Variants in STAB2 observed in about 807,000 individuals in gnomAD.
STAB2 encodes stabilin 2, also known as stabilin-2.
In STAB2, 288 loss-of-function variants were observed where a neutral mutation model predicts 338.1. The ratio of observed to expected loss-of-function variants is 0.85; its 90% confidence interval spans 0.77 to 0.94. STAB2 has a LOEUF of 0.94. STAB2 is among the 40% of genes least tolerant of loss of function. The pLI is 0.00. For missense variants in STAB2, 3,141 were observed against 3,210.1 expected (o/e 0.98, Z 0.52); for synonymous variants, 1,202 against 1,193.3 (o/e 1.01, Z -0.15).
chr12:103,626,777 A>G (rs1041477002), intron 5 of STAB2, among the ~76,000 whole-genome samples: 7 of 152,140 alleles, frequency 4.6e-5, no homozygotes, highest in Admixed American at 3.9e-4. Flanking sequence ...GGTGCAGTTT[A>G]TTTTTAACAC....
chr12:103,674,227 AGT>A, intron 23 of STAB2, 140 bp downstream of exon 23: 1 of 1,019,714 alleles, frequency 9.8e-7, no homozygotes, highest in Non-Finnish European at 1.4e-6. Flanking sequence ...TCCAGCTGAC[AGT>A]GTGGTGTTTG....
intron 9 of STAB2, among the ~76,000 whole-genome samples, chr12:103,641,668 C>T (rs980680109): frequency 9.2e-5 from 14 of 152,202 alleles, no homozygotes; most frequent in Middle Eastern, 3.4e-3. Context: ...ATACCTTAAG[C>T]GAACTCTTTC....
rs1224638879 is a variant in STAB2 at position 103,750,626 on chromosome 12, G to A, written c.6486G>A (p.Leu2162=). The A allele has an allele frequency of 6.2e-7, 1 of 1,614,226 alleles. No individual in the cohort carries two copies. Among genetic ancestry groups the A allele is most frequent in the Admixed American group, 1.7e-5 (1 of 60,032 alleles). Residue 2162 remains leucine (L), a synonymous_variant, in exon 60 of 69, where the codon CTG becomes CTA. Transcript: ENST00000388887. ...AAAGTCACTATGTCGGAGATGGGCT[G>A]AACTGTGAGCCGGAGCAGCTGCCCA... The part of the protein sequence containing the change: ...ECKSHYVGDG[L]NCEPEQLPID...
chr12:103,706,887 T>A lies in STAB2; in HGVS notation c.4092T>A (p.Asp1364Glu). 6.2e-7 allele frequency: 1 copy of A among 1,614,184 alleles called. No individual in the cohort carries two copies. Among genetic ancestry groups the A allele is most frequent in the Non-Finnish European group, 8.5e-7 (1 of 1,180,014 alleles). The change falls in exon 38 of 69, where the codon GAT (aspartate) becomes GAA (glutamate). Residue 1364 changes from aspartate (D) to glutamate (E), a missense_variant. Transcript: ENST00000388887. ...NVCFGNGICL[D>E]GVNGTGVCEC... ...GCTTTGGTAATGGCATCTGTTTGGA[T>A]GGAGTGAATGGCACAGGTGTGTGTG...
At chr12:103,637,646 A>T (rs1355328119) in intron 7 of STAB2, among the ~76,000 whole-genome samples, 1 of 152,198 alleles carries the variant, frequency 6.6e-6, no homozygotes, top group Non-Finnish European at 1.5e-5. Context: ...TTTTCTGTCT[A>T]TGAAATGGGG....
chr12:103,724,903 T>C, intron 44 of STAB2, 72 bp from the exon 45 acceptor site: 3 of 1,579,284 alleles, frequency 1.9e-6, no homozygotes, highest in Non-Finnish European at 8.7e-7. Context: ...CAGAATTGCT[T>C]TGTAAATATC....
chr12:103,702,892 C>G (rs1879025986), intron 34 of STAB2, among the ~76,000 whole-genome samples: 1 of 152,206 alleles, frequency 6.6e-6, no homozygotes, highest in Non-Finnish European at 1.5e-5. Flanking sequence ...CAACTTCTTC[C>G]TTTTACAAAA....
chr12:103,619,006 G>A (rs1334660727), intron 3 of STAB2, among the ~76,000 whole-genome samples: 3 of 152,310 alleles, frequency 2.0e-5, no homozygotes, highest in East Asian at 3.9e-4. Context: ...CTTGCCTGCT[G>A]CCGTGTAAGA....
At chr12:103,742,623 C>T in intron 56 of STAB2, 69 bp downstream of exon 56, 1 of 1,599,958 alleles carries the variant, frequency 6.3e-7, no homozygotes, top group Non-Finnish European at 8.5e-7. Context: ...TTGTTCATGC[C>T]ATCTGCCTGA....
chr12:103,746,223 T>C (rs1458182633), intron 57 of STAB2: 1 of 189,840 alleles, frequency 5.3e-6, no homozygotes, highest in Admixed American at 5.6e-5. Context: ...CAGAAGGCCA[T>C]GGAATTTCTC....
intron 39 of STAB2, among the ~76,000 whole-genome samples, chr12:103,709,944 G>T (rs940934751): frequency 6.6e-6 from 1 of 152,062 alleles, no homozygotes; most frequent in Non-Finnish European, 1.5e-5. Context: ...CCCAATCTAG[G>T]AACCTCCCTA....
chr12:103,683,950 G>C (rs1012906834), intron 26 of STAB2, among the ~76,000 whole-genome samples: 13 of 152,170 alleles, frequency 8.5e-5, no homozygotes, highest in South Asian at 2.1e-4. Context: ...AATTTGCTGG[G>C]AGGACCCCCA....
At position 103,666,324 on chromosome 12, in the gene STAB2, A is replaced by G; in HGVS notation, c.2056A>G (p.Ser686Gly). ...TGTGAGCTGTTCTCTGGTGTACTGG[A>G]GCAGATGTCCTGCTAACTCTGAGCC... is the stretch of plus-strand genomic sequence containing the variant. The part of the protein sequence containing the change: ...TCVSCSLVYW[S>G]RCPANSEPTA... Residue 686 changes from serine to glycine, a missense_variant, in exon 19 of 69, where the codon AGC becomes GGC. Transcript: ENST00000388887. 6.2e-7 allele frequency: 1 copy of G among 1,614,128 alleles called. No individual in the cohort carries two copies. Among genetic ancestry groups the G allele is most frequent in the Non-Finnish European group, 8.5e-7 (1 of 1,180,030 alleles).
At chr12:103,751,771 TAG>T (rs1239949669) in intron 60 of STAB2, among the ~76,000 whole-genome samples, 7 of 152,228 alleles carry the variant, frequency 4.6e-5, no homozygotes, top group African/African-American at 7.2e-5. Context: ...ACCCAGACCA[TAG>T]AGTGTGGTCC....
At chr12:103,610,209 G>A (rs1388083785) in intron 3 of STAB2, among the ~76,000 whole-genome samples, 4 of 152,034 alleles carry the variant, frequency 2.6e-5, no homozygotes, top group Non-Finnish European at 5.9e-5. Context: ...CATAAAATGA[G>A]TTAGGGAGGA....
chr12:103,630,599 G>A (rs905498360), intron 5 of STAB2, among the ~76,000 whole-genome samples: 2 of 152,220 alleles, frequency 1.3e-5, no homozygotes, highest in African/African-American at 2.4e-5. Context: ...TTATCCAGGT[G>A]AGTCCAATGT....
chr12:103,590,966 G>A lies in STAB2; in HGVS notation c.151G>A (p.Gly51Arg). Residue 51 changes from glycine (G) to arginine (R), a missense_variant, in exon 2 of 69, where the codon GGA (glycine) becomes AGA (arginine). Physicochemically the swap from Gly to Arg is moderately radical, Grantham distance 125 (BLOSUM62 -2). Coordinates refer to ENST00000388887, the MANE Select transcript of STAB2 (RefSeq NM_017564.10). ...GTGCCGATCCTGCGCTCTCAACCTT[G>A]GAGTCAAGTGCCCGGATGGTTACAC... ...TECRSCALNL[G>R]VKCPDGYTMI... 1 of 1,614,022 alleles carries A rather than the reference G, an allele frequency of 6.2e-7. No homozygotes were observed.
At chr12:103,703,517 G>T (rs1879085284) in intron 35 of STAB2, among the ~76,000 whole-genome samples, 1 of 152,126 alleles carries the variant, frequency 6.6e-6, no homozygotes, top group Admixed American at 6.5e-5. Flanking sequence ...TTGTGTGCCT[G>T]GGAAAGGCTG....
At chr12:103,669,484 T>G in intron 20 of STAB2, 57 bp from the exon 21 acceptor site, 1 of 1,405,826 alleles carries the variant, frequency 7.1e-7, no homozygotes, top group South Asian at 1.2e-5. Context: ...GCATCCCCTT[T>G]GAGGAATTGG....
Sources: gnomAD v4.1 joint callset for allele counts (sites outside exome capture counted in the v4.1 genomes callset) on GRCh38, gnomAD v4.1.1 for gene constraint, MANE v1.5 for transcripts, NCBI Gene and HGNC (gene_info 2026-07-23, HGNC 2026-07-21) for gene names.